ARMC8: variants seen among roughly 807,000 people sequenced by gnomAD.
The protein encoded by ARMC8 is armadillo repeat-containing protein 8.
A neutral mutation model predicts 99.3 loss-of-function variants in ARMC8; 20 were observed. That is an observed-to-expected ratio of 0.20 (90% CI 0.14 to 0.29). The LOEUF (loss-of-function observed/expected upper bound fraction) is 0.29, where lower values mean the gene tolerates loss of function less well. Among genes scored for constraint, ARMC8 ranks in the 10% least tolerant of loss-of-function variants. ARMC8 has a pLI of 1.00. For missense variants in ARMC8, 569 were observed against 809.5 expected, an observed-to-expected ratio of 0.70 and a Z score of 3.60; for synonymous variants, 263 against 278.3, an observed-to-expected ratio of 0.95 and a Z score of 0.55.
intron 2 of ARMC8, among the ~76,000 whole-genome samples, chr3:138,210,482 C>T (rs551037158): frequency 6.6e-5 from 10 of 152,226 alleles, no homozygotes; most frequent in African/African-American, 2.4e-4. Context: ...GATAAGATTT[C>T]AGATTTATTC....
chr3:138,254,031 C>A (rs1481696179), intron 12 of ARMC8, among the ~76,000 whole-genome samples: 1 of 152,136 alleles, frequency 6.6e-6, no homozygotes, highest in South Asian at 2.1e-4. Context: ...AGTTTTGACC[C>A]ATAGAACATG....
chr3:138,271,139 T>C lies in ARMC8; in HGVS notation c.1479+1007T>C, dbSNP rs142208497. Among the ~76,000 whole-genome samples the C allele has an allele frequency of 3.6e-3, 556 of 152,332 alleles. 4 individuals are homozygous for C. Among genetic ancestry groups the C allele is most frequent in the African/African-American group, 0.012 (489 of 41,576 alleles). Reference sequence around the variant, plus strand: ...CTGTGTTTTTATACAGACTTTAGGATAGAAATAATTATCTTCTAAGAAAGC... The same window carrying C: ...CTGTGTTTTTATACAGACTTTAGGACAGAAATAATTATCTTCTAAGAAAGC... On this transcript the variant is annotated intron_variant, in intron 16 of 21. Transcript: ENST00000469044.
Position 138,297,276 on chromosome 3 carries a change from C to T in ARMC8, c.*1384C>T, listed in dbSNP as rs935874417. 6 of 152,210 alleles carry T rather than the reference C, an allele frequency of 3.9e-5. No homozygotes were observed. Among genetic ancestry groups the T allele is most frequent in the Non-Finnish European group, 5.9e-5 (4 of 68,040 alleles). The allele number at this position is 152,210 out of a possible 1,614,324, so 9.4% of individuals were successfully genotyped here. A position where few individuals can be genotyped will look rare whatever the true frequency, so the allele number is the denominator to read the frequency against. On this transcript the variant is annotated 3_prime_UTR_variant, in exon 22 of 22. Coordinates refer to ENST00000469044, the MANE Select transcript of ARMC8 (RefSeq NM_001363941.2). ...GCAAGTACTGTTAGCCTTTCTGCAC[C>T]CCTTAGCTTGGCCCCTGCTCCAACT...
At position 138,230,371 on chromosome 3, in the gene ARMC8, C is replaced by T. The variant is rs191101328; in HGVS notation, c.528+1361C>T. ...TGCCTCATTAAAAATTTTTCAGGGG[C>T]TGGGTGCAGTGGCTCACACCTGTAA... On this transcript the variant is annotated intron_variant, in intron 6 of 21. Transcript: ENST00000469044. Among the ~76,000 whole-genome samples the T allele has an allele frequency of 6.3e-4, 96 of 152,244 alleles. 1 individual carries two copies. The South Asian group carries it at 0.016, about 25-fold the overall frequency.
intron 6 of ARMC8, among the ~76,000 whole-genome samples, chr3:138,234,388 G>C (rs1330309677): frequency 6.6e-6 from 1 of 152,152 alleles, no homozygotes; most frequent in Non-Finnish European, 1.5e-5. Flanking sequence ...GGGATTACAG[G>C]TGTGAGCCAC....
intron 19 of ARMC8, among the ~76,000 whole-genome samples, chr3:138,288,367 C>T (rs566490616): frequency 9.9e-5 from 15 of 152,282 alleles, no homozygotes; most frequent in African/African-American, 2.9e-4. Flanking sequence ...TAGCCTAAGT[C>T]GAAAGCATAG....
Position 138,262,296 on chromosome 3 carries a change from G to A in ARMC8, c.1135-1443G>A, listed in dbSNP as rs1576822660. 3 of 460,278 alleles carry A rather than the reference G, an allele frequency of 6.5e-6. No individual in the cohort carries two copies. In the East Asian group the frequency reaches 1.1e-4, roughly 16 times the overall value. 28.5% of individuals were successfully genotyped at this position (460,278 alleles called of 1,614,324 possible). ...AGTGATTGTGCATATCAGTAAGAAT[G>A]GAATTAGGTTTGGTCTAGGGCGAGG... is the stretch of plus-strand genomic sequence containing the variant. On this transcript the variant is annotated intron_variant, in intron 12 of 21. Coordinates refer to ENST00000469044, the MANE Select transcript of ARMC8 (RefSeq NM_001363941.2).
In ARMC8 at chr3:138,274,554, TC is replaced by T; in HGVS notation, c.1725+12del. 6.3e-7 allele frequency: 1 copy of T among 1,589,260 alleles called. No individual in the cohort carries two copies. The highest frequency in any genetic ancestry group is 8.6e-7 in the Non-Finnish European group (1 of 1,158,716). Reference sequence around the variant, plus strand: ...TGAGGTCAAAGAGCAGGTACGTTGTTCCTTTCTCTTGGGGAATATTTTCTGA... The same window carrying T: ...TGAGGTCAAAGAGCAGGTACGTTGTTCTTTCTCTTGGGGAATATTTTCTGA... On this transcript the variant is annotated intron_variant, in intron 18 of 21. Coordinates refer to ENST00000469044, the MANE Select transcript of ARMC8 (RefSeq NM_001363941.2).
chr3:138,199,993 G>T (rs925492236), intron 1 of ARMC8, among the ~76,000 whole-genome samples: 7 of 152,336 alleles, frequency 4.6e-5, no homozygotes, highest in Middle Eastern at 3.4e-3. Context: ...CAGTTGACCG[G>T]AAGGTTGAGT....
At chr3:138,267,085 T>C in intron 14 of ARMC8, 70 bp from the exon 15 acceptor site, 1 of 803,534 alleles carries the variant, frequency 1.2e-6, no homozygotes, top group East Asian at 2.8e-5. Flanking sequence ...TTATTTATAT[T>C]TTATATCTCA....
intron 19 of ARMC8, chr3:138,287,499 T>A: frequency 5.5e-6 from 2 of 360,576 alleles, no homozygotes; most frequent in Non-Finnish European, 1.1e-5. Flanking sequence ...CCTTAAAAAA[T>A]ATTGAATGAT....
intron 12 of ARMC8, among the ~76,000 whole-genome samples, chr3:138,259,136 C>T (rs1211959572): frequency 6.6e-6 from 1 of 152,198 alleles, no homozygotes; most frequent in Non-Finnish European, 1.5e-5. Flanking sequence ...GGCTGTGGAG[C>T]ACGGTACTGG....
At chr3:138,287,749 A>G (rs1427954301) in intron 19 of ARMC8, 1 of 455,614 alleles carries the variant, frequency 2.2e-6, no homozygotes, top group Non-Finnish European at 4.4e-6. Context: ...CTTAGTTGAA[A>G]TATAGTCCTA....
chr3:138,268,168 G>C (rs551808723), intron 15 of ARMC8, among the ~76,000 whole-genome samples: 1 of 152,218 alleles, frequency 6.6e-6, no homozygotes, highest in South Asian at 2.1e-4. Flanking sequence ...ACTTGAACCC[G>C]GGAGGCAAAG....
At chr3:138,239,351 C>G in intron 9 of ARMC8, 117 bp from the exon 10 acceptor site, 1 of 686,916 alleles carries the variant, frequency 1.5e-6, no homozygotes, top group Non-Finnish European at 2.4e-6. Flanking sequence ...TCTTCACTCT[C>G]AAGATAAGTG....
chr3:138,196,971 T>C (rs1372892655), intron 1 of ARMC8, among the ~76,000 whole-genome samples: 3 of 152,230 alleles, frequency 2.0e-5, no homozygotes, highest in Non-Finnish European at 2.9e-5. Flanking sequence ...GGGAATTGTT[T>C]CTGAAGAGCT....
intron 16 of ARMC8, among the ~76,000 whole-genome samples, chr3:138,272,474 A>G (rs1361521847): frequency 6.6e-6 from 1 of 151,944 alleles, no homozygotes; most frequent in Non-Finnish European, 1.5e-5. Context: ...TCTAAGAGTA[A>G]CAGTTACGTT....
At chr3:138,242,721 C>A (rs2046685852) in intron 11 of ARMC8, among the ~76,000 whole-genome samples, 1 of 152,108 alleles carries the variant, frequency 6.6e-6, no homozygotes, top group Admixed American at 6.6e-5. Context: ...TTTTTCATGC[C>A]AGTGGTTCCA....
At position 138,199,813 on chromosome 3, in the gene ARMC8, A is replaced by C. The variant is rs891038424; in HGVS notation, c.46-10004A>C. Among the ~76,000 whole-genome samples the C allele has an allele frequency of 3.9e-5, 6 of 152,354 alleles. No homozygotes were observed. In the East Asian group the frequency reaches 1.2e-3, roughly 29 times the overall value. ...AAATACATTGTCACTGGGCTTTAAA[A>C]TGAATAATTGAGAATTTGTGATTGA... On this transcript the variant is annotated intron_variant, in intron 1 of 21. Transcript: ENST00000469044.
Sources: gnomAD v4.1 joint callset for allele counts (sites outside exome capture counted in the v4.1 genomes callset) on GRCh38, gnomAD v4.1.1 for gene constraint, MANE v1.5 for transcripts, NCBI Gene and HGNC (gene_info 2026-07-23, HGNC 2026-07-21) for gene names.